The following CYFIP1 variants were observed in gnomAD, a reference collection of about 807,000 sequenced individuals.
CYFIP1 encodes cytoplasmic FMR1 interacting protein 1.
In CYFIP1, 58 loss-of-function variants were observed where a neutral mutation model predicts 163.5. The ratio of observed to expected loss-of-function variants is 0.35; its 90% CI spans 0.29 to 0.44. The LOEUF (loss-of-function observed/expected upper bound fraction) is 0.44, where lower values mean the gene tolerates loss of function less well. CYFIP1 is among the 20% of genes least tolerant of loss of function. CYFIP1 has a pLI of 1.00. For missense variants in CYFIP1, 1,338 were observed against 1,653.8 expected, an observed-to-expected ratio of 0.81 and a Z score of 3.31; for synonymous variants, 663 against 660.7, an observed-to-expected ratio of 1.00 and a Z score of -0.05.
intron 27 of CYFIP1, 85 bp downstream of exon 27, chr15:22,875,114 G>T: frequency 1.6e-6 from 2 of 1,283,012 alleles, no homozygotes; most frequent in South Asian, 1.2e-5. Context: ...AATCTGCACT[G>T]GTCCTTAGCT....
intron 6 of CYFIP1, 52 bp downstream of exon 6, chr15:22,943,121 A>G: frequency 6.4e-7 from 1 of 1,570,934 alleles, no homozygotes; most frequent in Non-Finnish European, 8.7e-7. Flanking sequence ...AAGGCAGGCC[A>G]CTGAGCTGGG....
chr15:22,947,239 A>T lies in CYFIP1; in HGVS notation c.47T>A (p.Leu16His). The T allele has an allele frequency of 6.2e-7, 1 of 1,614,000 alleles. No homozygotes were observed. The highest frequency in any genetic ancestry group is 8.5e-7 in the Non-Finnish European group (1 of 1,179,976). The change falls in exon 2 of 31, where the codon CTC becomes CAC. Residue 16 changes from leucine to histidine, a missense_variant. Transcript: ENST00000617928. The stretch of plus-strand genomic sequence containing the variant: ...GTCGGGCAGGGGCAGCTCCTCCAGG[A>T]GGTCCACGTTGGACAGCGCGTCCTC... ...TLEDALSNVDLLEELPLPDQQ... is the reference protein window; with the variant it reads ...TLEDALSNVDHLEELPLPDQQ...
Position 22,905,764 on chromosome 15 carries a change from T to G in CYFIP1, c.2389-1859A>C, listed in dbSNP as rs2060555561. On this transcript the variant is annotated intron_variant, in intron 21 of 30. Transcript: ENST00000617928. ...CTTCATTCTTATTTCTGTTTTTTTT[T>G]TTGTTTTTGTTTTGAGACGGAGTCT... 3.3e-5 allele frequency among the ~76,000 whole-genome samples: 5 copies of G among 151,340 alleles called. No homozygotes were observed. The South Asian group carries it at 1.0e-3, about 32-fold the overall frequency.
rs375231393 is a variant in CYFIP1, at chr15:22,917,397, G to A, written c.1674+391C>T. ...TGGGCAGCTTAGGACCATGACACAC[G>A]CAAGCAGCACCTCACAGTTTCCCAC... On this transcript the variant is annotated intron_variant, in intron 15 of 30. Transcript: ENST00000617928. This position sits in a 1 kb window ranked among gnomAD's most constrained non-coding sequence, Gnocchi z 4.2. The A allele has an allele frequency of 1.5e-4, 127 of 837,914 alleles. 2 individuals carry two copies. In the South Asian group the frequency reaches 2.6e-3, roughly 17 times the overall value. 51.9% of individuals were successfully genotyped at this position (837,914 alleles called of 1,614,324 possible). A position where few individuals can be genotyped will look rare whatever the true frequency, so the allele number is the denominator to read the frequency against.
chr15:22,945,722 C>T (rs1451875925), intron 3 of CYFIP1, among the ~76,000 whole-genome samples: 3 of 151,370 alleles, frequency 2.0e-5, no homozygotes, highest in South Asian at 2.1e-4. Context: ...TACAGGTGTG[C>T]GCACCACCAT....
At chr15:22,912,431 T>C (rs2060819365) in intron 17 of CYFIP1, 156 bp from the exon 18 acceptor site, 2 of 555,552 alleles carry the variant, frequency 3.6e-6, no homozygotes, top group Non-Finnish European at 6.1e-6. Context: ...TGAAAGCACG[T>C]GGTGGCTGCG....
At chr15:22,942,637 G>T (rs2061927790) in intron 6 of CYFIP1, among the ~76,000 whole-genome samples, 1 of 152,134 alleles carries the variant, frequency 6.6e-6, no homozygotes, top group African/African-American at 2.4e-5. Context: ...TCTACATCCA[G>T]AAAGAAAACC....
rs569313087 is a variant in CYFIP1 at position 22,884,031 on chromosome 15, TGGAAAAC to T, written c.2677-1027_2677-1021del. Among the ~76,000 whole-genome samples the T allele has an allele frequency of 1.2e-3, 188 of 152,122 alleles. 4 individuals carry two copies. Among genetic ancestry groups the T allele is most frequent in the African/African-American group, 4.4e-3 (183 of 41,498 alleles). ...CACTCACTATCACAAGAACAGCATG[TGGAAAAC>T]TGCCCCCATGAACCAGTCAACTCCC... On this transcript the variant is annotated intron_variant, in intron 23 of 30. Transcript: ENST00000617928.
At chr15:22,930,671 G>C (rs7171812) in intron 11 of CYFIP1, among the ~76,000 whole-genome samples, 5 of 151,748 alleles carry the variant, frequency 3.3e-5, no homozygotes, top group South Asian at 2.1e-4. Context: ...AAAACTTTTT[G>C]GTAGAAAAAT....
rs74003070 is a variant in CYFIP1, at chr15:22,916,197, T to C, written c.1828+280A>G. On this transcript the variant is annotated intron_variant, in intron 16 of 30. Transcript: ENST00000617928. ...CTGTGTCTCAACTCAGGCACCAGAT[T>C]ACATTCGCCTGTTTCCAACCCCGCA... is the stretch of plus-strand genomic sequence containing the variant. Among the ~76,000 whole-genome samples the C allele has an allele frequency of 8.5e-3, 1,301 of 152,328 alleles. 13 individuals are homozygous for C. The highest frequency in any genetic ancestry group is 0.027 in the African/African-American group (1,136 of 41,576).
At chr15:22,930,690 G>A (rs1363160919) in intron 11 of CYFIP1, among the ~76,000 whole-genome samples, 3 of 152,076 alleles carry the variant, frequency 2.0e-5, no homozygotes, top group Non-Finnish European at 4.4e-5. Flanking sequence ...ATAATTTACA[G>A]AATAAGGAGA....
chr15:22,951,301 C>G, intron 1 of CYFIP1: 1 of 1,129,148 alleles, frequency 8.9e-7, no homozygotes, highest in Non-Finnish European at 1.1e-6. Flanking sequence ...CTACATGTAG[C>G]AGAAACTCTC....
intron 23 of CYFIP1, among the ~76,000 whole-genome samples, chr15:22,888,691 C>T (rs8026230): frequency 0.12 from 17,901 of 147,648 alleles, 2,546 homozygotes; most frequent in African/African-American, 0.36. Context: ...GTGATTGCGC[C>T]ACTGCAATCC....
intron 1 of CYFIP1, among the ~76,000 whole-genome samples, chr15:22,958,544 G>A (rs552378074): frequency 5.3e-5 from 8 of 152,328 alleles, no homozygotes; most frequent in South Asian, 2.1e-4. Flanking sequence ...AAGAGAGCAC[G>A]TCTCCACGCC....
At chr15:22,879,393 C>T (rs371866297) in intron 26 of CYFIP1, among the ~76,000 whole-genome samples, 288 of 152,240 alleles carry the variant, frequency 1.9e-3, no homozygotes, top group African/African-American at 6.7e-3. Flanking sequence ...AAACACGAGG[C>T]GTCCACTGTG....
In CYFIP1 at chr15:22,951,526, T is replaced by G. The variant is rs1259904519; in HGVS notation, c.-6-4235A>C. ...GGACGTGCTTCGGCCCCATAGGGGC[T>G]GCCCGTGTCCTGCGACTCCAGCCCA... On this transcript the variant is annotated intron_variant, in intron 1 of 30. Coordinates refer to ENST00000617928, the MANE Select transcript of CYFIP1 (RefSeq NM_014608.6). 4.0e-5 allele frequency: 51 copies of G among 1,287,850 alleles called. 1 individual carries two copies. Among genetic ancestry groups the G allele is most frequent in the Non-Finnish European group, 4.9e-5 (48 of 988,718 alleles). 79.8% of individuals were successfully genotyped at this position (1,287,850 alleles called of 1,614,324 possible).
chr15:22,903,068 G>C lies in CYFIP1; in HGVS notation c.2588+638C>G, dbSNP rs112251398. Among the ~76,000 whole-genome samples the C allele has an allele frequency of 3.0e-3, 461 of 152,304 alleles. 2 individuals carry two copies. The highest frequency in any genetic ancestry group is 9.5e-3 in the African/African-American group (394 of 41,574). On this transcript the variant is annotated intron_variant, in intron 22 of 30. Transcript: ENST00000617928. ...TGTGCACACACCTGCACTCCTCTAC[G>C]TCTGGATGGAGCTCAGTGGCCAGGC...
intron 1 of CYFIP1, among the ~76,000 whole-genome samples, chr15:22,961,330 C>G (rs1374992605): frequency 6.6e-6 from 1 of 152,060 alleles, no homozygotes; most frequent in East Asian, 1.9e-4. Context: ...CCTTAATTTT[C>G]ATTTCTTGTA....
At chr15:22,937,351 T>C in intron 8 of CYFIP1, 143 bp from the exon 9 acceptor site, 1 of 602,534 alleles carries the variant, frequency 1.7e-6, no homozygotes, top group South Asian at 2.3e-5. Context: ...GCTGCTTGTC[T>C]GGTGCTTGAA....
Sources: gnomAD v4.1 joint callset for allele counts (sites outside exome capture counted in the v4.1 genomes callset) on GRCh38, gnomAD v4.1.1 for gene constraint, Gnocchi (gnomAD v3.1) non-coding constraint, MANE v1.5 for transcripts, NCBI Gene and HGNC (gene_info 2026-07-23, HGNC 2026-07-21) for gene names.